BEND2: variants seen among roughly 807,000 people sequenced by gnomAD.
BEND2 encodes the protein BEN domain-containing protein 2.
Under a neutral mutation model 43.8 loss-of-function variants are expected in BEND2, and 19 were observed. That is an observed-to-expected ratio of 0.43 (90% CI 0.30 to 0.64). BEND2 has a LOEUF of 0.64. BEND2 is among the 30% of genes least tolerant of loss of function. BEND2 has a pLI of 0.11. For missense variants in BEND2, 544 were observed against 574.0 expected, an observed-to-expected ratio of 0.95 and a Z score of 0.53; for synonymous variants, 226 against 210.1, an observed-to-expected ratio of 1.08 and a Z score of -0.66.
chrX:18,196,377 G>A (rs1173855289), intron 6 of BEND2, among the ~76,000 whole-genome samples: 1 of 110,511 alleles, frequency 9.0e-6, no homozygotes, highest in Non-Finnish European at 1.9e-5. Flanking sequence ...ACCCATACAT[G>A]TAAAGCCTTT....
chrX:18,175,143 C>T (rs777507186), intron 11 of BEND2, among the ~76,000 whole-genome samples: 5 of 111,801 alleles, frequency 4.5e-5, no homozygotes, highest in South Asian at 3.8e-4. Flanking sequence ...GGCTATAAAA[C>T]GGAATGTTAA....
intron 8 of BEND2, among the ~76,000 whole-genome samples, chrX:18,190,337 TG>T (rs1924723047): frequency 8.9e-6 from 1 of 111,876 alleles, no homozygotes; most frequent in African/African-American, 3.3e-5. Flanking sequence ...TGTCCTTCAG[TG>T]GGTGACAAAC....
In BEND2 at chrX:18,201,954, G is replaced by T. The variant is rs369134006; in HGVS notation, c.908-14C>A. 8.2e-5 allele frequency: 98 copies of T among 1,200,313 alleles called. No individual in the cohort carries two copies. In the African/African-American group the frequency reaches 1.6e-3, roughly 20 times the overall value. ...TTTCTGGCATTTCTGTAAATAAAAA[G>T]TTTTCAAGAGCTGTAATACAAGAAC... On this transcript the variant is annotated splice_polypyrimidine_tract_variant and intron_variant, in intron 5 of 13. Coordinates refer to ENST00000380033, the MANE Select transcript of BEND2 (RefSeq NM_153346.5).
chrX:18,214,046 C>T (rs968485844), intron 2 of BEND2, 135 bp from the exon 3 acceptor site: 3 of 111,451 alleles, frequency 2.7e-5, no homozygotes, highest in Non-Finnish European at 5.6e-5. Flanking sequence ...TAAGTAATTA[C>T]ATTCTGATGT....
rs1042662861 is a variant in BEND2, at chrX:18,191,196, C to A, written c.1181-88G>T. ...ACCATGTTTTTTAGATCAGGTGAAA[C>A]TATCCTTCAGGAATAAAAGAAAAAT... On this transcript the variant is annotated intron_variant, in intron 7 of 13. Coordinates refer to ENST00000380033, the MANE Select transcript of BEND2 (RefSeq NM_153346.5). The A allele has an allele frequency of 5.8e-6, 4 of 692,008 alleles. No homozygotes were observed. In the African/African-American group the frequency reaches 8.9e-5, roughly 15 times the overall value. 57.0% of individuals were successfully genotyped at this position (692,008 alleles called of 1,213,427 possible).
At chrX:18,168,181 T>C (rs1040918858) in intron 13 of BEND2, among the ~76,000 whole-genome samples, 8 of 112,139 alleles carry the variant, frequency 7.1e-5, no homozygotes, top group African/African-American at 2.6e-4. Flanking sequence ...AAAGCTGCTA[T>C]TTTTATCTTC....
chrX:18,178,606 A>G (rs1924265257), intron 9 of BEND2, among the ~76,000 whole-genome samples: 1 of 110,059 alleles, frequency 9.1e-6, no homozygotes, highest in Admixed American at 9.8e-5. Flanking sequence ...CTCTGTTTTC[A>G]TCTTTTTTTT....
intron 4 of BEND2, among the ~76,000 whole-genome samples, chrX:18,206,905 G>A (rs750194342): frequency 1.8e-5 from 2 of 111,745 alleles, no homozygotes; most frequent in African/African-American, 6.5e-5. Context: ...AAGCTGCAGC[G>A]CCACCCCTGT....
At chrX:18,219,300 G>A (rs949661582) in intron 1 of BEND2, among the ~76,000 whole-genome samples, 1 of 112,473 alleles carries the variant, frequency 8.9e-6, no homozygotes, top group Non-Finnish European at 1.9e-5. Context: ...CGGGAGGGAC[G>A]CGATCCGCCA....
At chrX:18,168,521 T>G (rs751561856) in intron 13 of BEND2, among the ~76,000 whole-genome samples, 45 of 111,816 alleles carry the variant, frequency 4.0e-4, no homozygotes, top group African/African-American at 1.4e-3. Flanking sequence ...GTTCCTGCTG[T>G]GGGTGGGATG....
chrX:18,199,634 G>GTT (rs35383419), intron 6 of BEND2, among the ~76,000 whole-genome samples: 16,290 of 104,413 alleles, frequency 0.16, 1,048 homozygotes, highest in East Asian at 0.34. Context: ...AAAAAGCCTA[G>GTT]TTTTTTTTTT....
At position 18,203,928 on chromosome X, in the gene BEND2, A is replaced by T; in HGVS notation, c.493-13T>A. 2.6e-6 allele frequency: 3 copies of T among 1,160,869 alleles called. No individual in the cohort carries two copies. On this transcript the variant is annotated splice_polypyrimidine_tract_variant and intron_variant, in intron 4 of 13. Transcript: ENST00000380033. Reference sequence around the variant, plus strand: ...TGCTAGACTGTACCTATCCAGGGTAAGAGAACAGAATGAGTAAAGTTATTT... The same window carrying T: ...TGCTAGACTGTACCTATCCAGGGTATGAGAACAGAATGAGTAAAGTTATTT...
intron 5 of BEND2, 101 bp from the exon 6 acceptor site, chrX:18,202,041 T>A (rs1163491703): frequency 2.3e-6 from 2 of 858,597 alleles, no homozygotes; most frequent in Non-Finnish European, 1.6e-6. Flanking sequence ...AAACAGACAT[T>A]CACACACAAA....
At chrX:18,172,274 A>T (rs1430236785) in intron 12 of BEND2, among the ~76,000 whole-genome samples, 1 of 111,408 alleles carries the variant, frequency 9.0e-6, no homozygotes, top group African/African-American at 3.3e-5. Flanking sequence ...TAATGGGTCC[A>T]AAGACTTAAC....
intron 6 of BEND2, among the ~76,000 whole-genome samples, chrX:18,196,528 T>G (rs1268887840): frequency 9.1e-6 from 1 of 109,770 alleles, no homozygotes; most frequent in Non-Finnish European, 1.9e-5. Context: ...TCAGAGCAGT[T>G]TAGTCCTAAT....
At chrX:18,190,384 A>C (rs1026217627) in intron 8 of BEND2, among the ~76,000 whole-genome samples, 14 of 111,854 alleles carry the variant, frequency 1.3e-4, no homozygotes, top group African/African-American at 4.6e-4. Context: ...GTACTCAGCA[A>C]TAAACAGGAA....
chrX:18,173,031 T>C (rs767710703), intron 12 of BEND2, among the ~76,000 whole-genome samples: 3 of 111,972 alleles, frequency 2.7e-5, no homozygotes, highest in South Asian at 3.8e-4. Flanking sequence ...GTATTTTGAT[T>C]GTGGGAGCTT....
rs141035350 is a variant in BEND2, at chrX:18,165,091, T to C, written c.2318A>G (p.Gln773Arg). The change falls in exon 14 of 14, where the codon CAG becomes CGG. Residue 773 changes from glutamine (Q) to arginine (R), a missense_variant. Physicochemically the swap from Gln to Arg is conservative, Grantham distance 43. Transcript: ENST00000380033. ...TGGAGGGGTCACTGCTGGAAGCGACTGAGACCTGGCTTCAGCCCTTCTGAC... is the reference window on the plus strand; with the variant it reads ...TGGAGGGGTCACTGCTGGAAGCGACCGAGACCTGGCTTCAGCCCTTCTGAC... ...HDVRRAEARS[Q>R]SLPAVTPPEL... The C allele has an allele frequency of 3.2e-5, 39 of 1,208,596 alleles. No individual in the cohort carries two copies. Among genetic ancestry groups the C allele is most frequent in the Middle Eastern group, 3.0e-4 (1 of 3,279 alleles).
chrX:18,218,298 T>C (rs1925736692), intron 1 of BEND2, among the ~76,000 whole-genome samples: 1 of 111,941 alleles, frequency 8.9e-6, no homozygotes, highest in African/African-American at 3.2e-5. Context: ...TGGCTATTAC[T>C]GAATAGCAAA....
Sources: gnomAD v4.1 joint callset for allele counts (sites outside exome capture counted in the v4.1 genomes callset) on GRCh38, gnomAD v4.1.1 for gene constraint, MANE v1.5 for transcripts, NCBI Gene and HGNC (gene_info 2026-07-23, HGNC 2026-07-21) for gene names.